The following CRYBG1 variants were observed in gnomAD, a reference collection of about 807,000 sequenced individuals.
The protein encoded by CRYBG1 is crystallin beta-gamma domain containing 1.
Under a neutral mutation model 189.2 loss-of-function variants are expected in CRYBG1, and 139 were observed. The ratio of observed to expected loss-of-function variants is 0.73; its 90% CI spans 0.64 to 0.85. The LOEUF is 0.85. Ranked by LOEUF, CRYBG1 falls within the 40% of genes least tolerant of loss-of-function variation. CRYBG1 has a pLI of 0.00. For synonymous variants in CRYBG1, 1,023 were observed against 1,017.1 expected (o/e 1.01, Z -0.11); for missense variants, 2,611 against 2,675.8 (o/e 0.98, Z 0.53).
rs34252257 is a variant in CRYBG1 at position 106,394,859 on chromosome 6, A to ATT, written c.173+33793_173+33794dup. 4.2e-3 allele frequency among the ~76,000 whole-genome samples: 601 copies of ATT among 142,116 alleles called. 7 individuals carry two copies. The highest frequency in any genetic ancestry group is 0.014 in the Middle Eastern group (4 of 278). 93.2% of individuals were successfully genotyped at this position (142,116 alleles called of 152,430 possible). Reference sequence around the variant, plus strand: ...TAGTGTGTTAAATGCACACAGCAGAATTTTTTTTTTTTTTTTGAGACAGTC... The same window carrying ATT: ...TAGTGTGTTAAATGCACACAGCAGAATTTTTTTTTTTTTTTTTTGAGACAGTC... On this transcript the variant is annotated intron_variant, in intron 1 of 21. Coordinates refer to ENST00000633556, the MANE Select transcript of CRYBG1 (RefSeq NM_001371242.2).
chr6:106,410,914 C>A lies in CRYBG1; in HGVS notation c.174-40780C>A, dbSNP rs1163721109. ...TAGGAGAAATACCTAATGTAGATGA[C>A]GGGTTGATGGGTGCAGCAAACCACC... On this transcript the variant is annotated intron_variant, in intron 1 of 21. Transcript: ENST00000633556. Among the ~76,000 whole-genome samples, 3 of 152,074 alleles carry A rather than the reference C, an allele frequency of 2.0e-5. No homozygotes were observed. The East Asian group carries it at 5.8e-4, about 29-fold the overall frequency.
intron 2 of CRYBG1, among the ~76,000 whole-genome samples, chr6:106,456,297 A>G (rs34890304): frequency 0.3 from 44,938 of 150,624 alleles, 8,884 homozygotes; most frequent in African/African-American, 0.57. Flanking sequence ...AGGATAACAG[A>G]CATGTGCTAC....
chr6:106,407,477 C>A (rs138691913), intron 1 of CRYBG1, among the ~76,000 whole-genome samples: 1 of 152,106 alleles, frequency 6.6e-6, no homozygotes, highest in Non-Finnish European at 1.5e-5. Context: ...CACAGATCAA[C>A]GAGACAGAAA....
chr6:106,520,125 C>T lies in CRYBG1; in HGVS notation c.2917C>T (p.Gln973Ter). Residue 973 changes from glutamine to a stop codon, truncating the protein, a stop_gained, in exon 4 of 22, where the codon CAG becomes TAG. Transcript: ENST00000633556. LOFTEE classifies it high-confidence loss of function. ...GGAGAGCACCCAGGATGTGAGCTCC[C>T]AGGTCATCCCAGAGAGCTCTGAAGT... ...PVESTQDVSS[Q>*]VIPESSEVRE... is the part of the protein sequence containing the mutation. The T allele has an allele frequency of 6.2e-7, 1 of 1,614,118 alleles. No individual in the cohort carries two copies. Among genetic ancestry groups the T allele is most frequent in the South Asian group, 1.1e-5 (1 of 91,076 alleles).
intron 9 of CRYBG1, among the ~76,000 whole-genome samples, chr6:106,539,853 C>T (rs184928916): frequency 1.3e-5 from 2 of 152,266 alleles, no homozygotes; most frequent in African/African-American, 2.4e-5. Context: ...GGTGGAAAAA[C>T]AGGACAAAGA....
intron 1 of CRYBG1, among the ~76,000 whole-genome samples, chr6:106,405,799 G>A (rs959860468): frequency 6.6e-6 from 1 of 152,214 alleles, no homozygotes. Context: ...CTGTTAGAAG[G>A]AAACTTAACA....
chr6:106,411,900 G>C (rs1770932509), intron 1 of CRYBG1, among the ~76,000 whole-genome samples: 1 of 152,210 alleles, frequency 6.6e-6, no homozygotes, highest in African/African-American at 2.4e-5. Context: ...AGAAGAAAGA[G>C]AGAGAGCAAG....
intron 2 of CRYBG1, among the ~76,000 whole-genome samples, chr6:106,499,840 C>T (rs2114507625): frequency 2.6e-5 from 4 of 152,294 alleles, no homozygotes; most frequent in Admixed American, 2.6e-4. Context: ...AACTCACAGC[C>T]TCTGGTAACC....
In CRYBG1 at chr6:106,544,850, T is replaced by C. The variant is rs751932964; in HGVS notation, c.5229T>C (p.Ser1743=). The C allele has an allele frequency of 6.2e-7, 1 of 1,613,750 alleles. No individual in the cohort carries two copies. Among genetic ancestry groups the C allele is most frequent in the Non-Finnish European group, 8.5e-7 (1 of 1,179,846 alleles). The change falls in exon 13 of 22, where the codon AGT becomes AGC. Residue 1743 remains serine (S), a synonymous_variant. Transcript: ENST00000633556. ...SEKNFGSKGS[S]IDVLGIVANL... ...AAAACTTTGGATCCAAAGGTTCCAG[T>C]ATTGATGTATTGGGAATTGTTGCTA...
chr6:106,369,106 T>C (rs1391985908), intron 1 of CRYBG1, among the ~76,000 whole-genome samples: 1 of 152,176 alleles, frequency 6.6e-6, no homozygotes, highest in African/African-American at 2.4e-5. Context: ...CATAAATATC[T>C]CATGAAAGCA....
intron 1 of CRYBG1, among the ~76,000 whole-genome samples, chr6:106,450,143 G>C (rs533148046): frequency 6.6e-6 from 1 of 151,642 alleles, no homozygotes; most frequent in African/African-American, 2.4e-5. Flanking sequence ...ACTTGAACCC[G>C]GGAGGTGGAG....
intron 1 of CRYBG1, among the ~76,000 whole-genome samples, chr6:106,396,986 T>C (rs1770626285): frequency 1.3e-5 from 2 of 152,212 alleles, no homozygotes; most frequent in Non-Finnish European, 2.9e-5. Flanking sequence ...AGCCAATACA[T>C]GGATGTTTTT....
intron 1 of CRYBG1, among the ~76,000 whole-genome samples, chr6:106,365,117 A>G (rs996292971): frequency 6.6e-6 from 1 of 152,108 alleles, no homozygotes; most frequent in African/African-American, 2.4e-5. Flanking sequence ...TTTAAATATT[A>G]AAAATAGTAA....
At chr6:106,365,451 C>A (rs367850091) in intron 1 of CRYBG1, among the ~76,000 whole-genome samples, 29 of 140,134 alleles carry the variant, frequency 2.1e-4, no homozygotes, top group Admixed American at 3.6e-4. Flanking sequence ...GAAACAAAAC[C>A]AAAAAAAAAA....
intron 2 of CRYBG1, among the ~76,000 whole-genome samples, chr6:106,454,465 G>A (rs1745166863): frequency 6.6e-6 from 1 of 151,986 alleles, no homozygotes; most frequent in Admixed American, 6.6e-5. Context: ...TGAGTTCTAG[G>A]GTGCCAGGGG....
chr6:106,381,606 T>C (rs929117835), intron 1 of CRYBG1, among the ~76,000 whole-genome samples: 6 of 152,266 alleles, frequency 3.9e-5, no homozygotes, highest in African/African-American at 1.2e-4. Context: ...GGGGAAATTA[T>C]AATGCCAGTT....
At position 106,512,568 on chromosome 6, in the gene CRYBG1, C is replaced by G; in HGVS notation, c.1451C>G (p.Pro484Arg). The G allele has an allele frequency of 6.2e-7, 1 of 1,607,106 alleles. No homozygotes were observed. Reference sequence around the variant, plus strand: ...GGGGGCGTTGCCTCCGCTGCGAGCCCAGAGTCCAAGCCCAGCCCCGGTACC... The same window carrying G: ...GGGGGCGTTGCCTCCGCTGCGAGCCGAGAGTCCAAGCCCAGCCCCGGTACC... The part of the protein sequence containing the change: ...LDGGVASAAS[P>R]ESKPSPGTKG... Residue 484 changes from proline (P) to arginine (R), a missense_variant, in exon 3 of 22, where the codon CCA (proline) becomes CGA (arginine). Physicochemically the swap from Pro to Arg is moderately radical, Grantham distance 103. Transcript: ENST00000633556.
chr6:106,503,009 C>A (rs543071094), intron 2 of CRYBG1, among the ~76,000 whole-genome samples: 27 of 152,302 alleles, frequency 1.8e-4, no homozygotes, highest in Non-Finnish European at 3.2e-4. Flanking sequence ...CATCTGGCAC[C>A]TGGTGAGGTC....
At chr6:106,529,899 A>T (rs1350295106) in intron 7 of CRYBG1, among the ~76,000 whole-genome samples, 1 of 152,228 alleles carries the variant, frequency 6.6e-6, no homozygotes, top group Non-Finnish European at 1.5e-5. Context: ...GAGAAAAAGA[A>T]ATATATTCCA....
Sources: allele counts gnomAD v4.1 joint callset (sites outside exome capture counted in the v4.1 genomes callset), GRCh38; gene constraint gnomAD v4.1.1; transcripts MANE v1.5; gene names NCBI Gene and HGNC (gene_info 2026-07-23, HGNC 2026-07-21).